NFU1: variants seen among roughly 807,000 people sequenced by gnomAD.
NFU1 encodes NFU1 iron-sulfur cluster scaffold, also known as NFU1 iron-sulfur cluster scaffold homolog, mitochondrial.
In NFU1, 30 loss-of-function variants were observed where a neutral mutation model predicts 32.2. The observed-to-expected ratio is 0.93, with a 90% CI of 0.70 to 1.26. The LOEUF is 1.26. Ranked by LOEUF, NFU1 falls within the 50% of genes most tolerant of loss-of-function variation. The probability of loss-of-function intolerance (pLI) is 0.00; values close to 1 mark genes in which losing one functional copy is unlikely to be tolerated. For synonymous variants in NFU1, 112 were observed against 104.6 expected, an observed-to-expected ratio of 1.07 and a Z score of -0.43; for missense variants, 306 against 306.6, an observed-to-expected ratio of 1.00 and a Z score of 0.02.
chr2:69,431,575 G>T (rs1673639910), intron 2 of NFU1, among the ~76,000 whole-genome samples: 1 of 152,120 alleles, frequency 6.6e-6, no homozygotes, highest in African/African-American at 2.4e-5. Context: ...TCAAAGTACT[G>T]GGATTACAGG....
chr2:69,439,460 A>G (rs1457361936), upstream of NFU1, among the ~76,000 whole-genome samples: 2 of 152,218 alleles, frequency 1.3e-5, no homozygotes, highest in African/African-American at 2.4e-5. Context: ...TGGGTGTTAC[A>G]GTTCATAAAG....
intron 2 of NFU1, among the ~76,000 whole-genome samples, chr2:69,425,029 G>A (rs893056977): frequency 1.8e-4 from 28 of 151,710 alleles, no homozygotes; most frequent in African/African-American, 6.0e-4. Flanking sequence ...GGCACCCGCT[G>A]CCATGCCCGG....
intron 5 of NFU1, among the ~76,000 whole-genome samples, chr2:69,407,161 C>T (rs940974130): frequency 2.6e-5 from 4 of 152,010 alleles, no homozygotes; most frequent in African/African-American, 9.7e-5. Flanking sequence ...TCCGGTTGCC[C>T]AAGATGATCT....
chr2:69,426,145 G>T (rs1220656647), intron 2 of NFU1, among the ~76,000 whole-genome samples: 4 of 151,644 alleles, frequency 2.6e-5, no homozygotes, highest in Non-Finnish European at 4.4e-5. Context: ...GCTAATTTTT[G>T]ATTTTTTGTA....
intron 7 of NFU1, 42 bp downstream of exon 7, chr2:69,400,314 GAAAAAGAA>G: frequency 6.5e-7 from 1 of 1,532,476 alleles, no homozygotes; most frequent in Non-Finnish European, 9.0e-7. Flanking sequence ...TATCTACAAA[GAAAAAGAA>G]AAAATGAAAA....
At chr2:69,428,114 T>A (rs1454660393) in intron 2 of NFU1, among the ~76,000 whole-genome samples, 1 of 152,092 alleles carries the variant, frequency 6.6e-6, no homozygotes, top group Non-Finnish European at 1.5e-5. Flanking sequence ...GACAATACTA[T>A]ATAACAATTA....
chr2:69,419,950 C>A (rs982654547), intron 3 of NFU1, among the ~76,000 whole-genome samples: 4 of 151,968 alleles, frequency 2.6e-5, no homozygotes, highest in Admixed American at 2.6e-4. Context: ...TTCATTCAAC[C>A]AATATTTGAC....
intron 3 of NFU1, among the ~76,000 whole-genome samples, chr2:69,422,457 T>C (rs1485241166): frequency 6.6e-6 from 1 of 152,212 alleles, no homozygotes; most frequent in East Asian, 1.9e-4. Context: ...TTTTCATTTA[T>C]AGTTCTGAAT....
chr2:69,425,832 G>A (rs1488096879), intron 2 of NFU1, among the ~76,000 whole-genome samples: 1 of 152,040 alleles, frequency 6.6e-6, no homozygotes, highest in Admixed American at 6.6e-5. Flanking sequence ...TGTAAAGAAG[G>A]AACTCTTACT....
At chr2:69,437,008 G>A (rs979319804) in intron 1 of NFU1, among the ~76,000 whole-genome samples, 3 of 152,204 alleles carry the variant, frequency 2.0e-5, no homozygotes, top group Admixed American at 6.5e-5. Flanking sequence ...GAAGAGGAGG[G>A]AATGCACCCG....
intron 5 of NFU1, among the ~76,000 whole-genome samples, chr2:69,414,564 G>C (rs953016515): frequency 1.4e-5 from 2 of 145,068 alleles, no homozygotes; most frequent in African/African-American, 5.2e-5. Context: ...GTTGCAGTGA[G>C]CCAACATTGC....
At chr2:69,401,896 T>C (rs1210511832) in intron 6 of NFU1, among the ~76,000 whole-genome samples, 1 of 128,334 alleles carries the variant, frequency 7.8e-6, no homozygotes, top group Non-Finnish European at 1.7e-5. Flanking sequence ...TTATCTTTTT[T>C]CCTTTTTTTT....
chr2:69,418,498 G>C (rs1021432667), intron 4 of NFU1, among the ~76,000 whole-genome samples: 2 of 151,596 alleles, frequency 1.3e-5, no homozygotes, highest in African/African-American at 4.9e-5. Context: ...ATGCAGTCTC[G>C]CTCTGTCGCC....
At chr2:69,425,535 A>T (rs1334807290) in intron 2 of NFU1, among the ~76,000 whole-genome samples, 3 of 150,930 alleles carry the variant, frequency 2.0e-5, no homozygotes, top group Non-Finnish European at 4.4e-5. Flanking sequence ...TTGTATTTTT[A>T]GTAGAGACAG....
intron 4 of NFU1, among the ~76,000 whole-genome samples, chr2:69,418,624 G>A (rs1056788623): frequency 1.3e-5 from 2 of 151,960 alleles, no homozygotes; most frequent in Admixed American, 1.3e-4. Context: ...CCGCCACCAT[G>A]CCCGGCTACT....
chr2:69,401,215 A>C (rs570535823), intron 6 of NFU1, among the ~76,000 whole-genome samples: 2 of 152,254 alleles, frequency 1.3e-5, no homozygotes, highest in Admixed American at 6.5e-5. Flanking sequence ...CCAAGAAACA[A>C]CACCAAACCT....
intron 4 of NFU1, among the ~76,000 whole-genome samples, chr2:69,416,720 G>A (rs1230557497): frequency 2.0e-5 from 3 of 152,042 alleles, no homozygotes; most frequent in African/African-American, 7.2e-5. Flanking sequence ...CCAACATGGT[G>A]AAAACCTTTC....
intron 4 of NFU1, chr2:69,416,303 A>C (rs1289821751): frequency 2.7e-5 from 4 of 147,990 alleles, no homozygotes; most frequent in African/African-American, 9.8e-5. Flanking sequence ...TTAATAATAT[A>C]ATTATAATTT....
intron 1 of NFU1, among the ~76,000 whole-genome samples, chr2:69,434,654 T>G (rs1673767835): frequency 2.6e-5 from 4 of 152,216 alleles, no homozygotes. Flanking sequence ...CCACTGCCAC[T>G]TCATAGGAGC....
Sources: gnomAD v4.1 joint callset for allele counts (sites outside exome capture counted in the v4.1 genomes callset) on GRCh38, gnomAD v4.1.1 for gene constraint, MANE v1.5 for transcripts, NCBI Gene and HGNC (gene_info 2026-07-23, HGNC 2026-07-21) for gene names.